MRC2: variants seen among roughly 807,000 people sequenced by gnomAD.
MRC2 encodes C-type mannose receptor 2.
MRC2 carries 84 observed loss-of-function variants against 206.2 expected under a neutral mutation model. The observed-to-expected ratio is 0.41, with a 90% CI of 0.34 to 0.49. MRC2 has a LOEUF of 0.49. Among genes scored for constraint, MRC2 ranks in the 20% least tolerant of loss-of-function variants. MRC2 has a pLI of 0.31. For synonymous variants in MRC2, 798 were observed against 800.0 expected (o/e 1.00, Z 0.04); for missense variants, 1,676 against 2,001.5 (o/e 0.84, Z 3.10).
chr17:62,671,605 T>C lies in MRC2; in HGVS notation c.1118-44T>C, dbSNP rs773880869. 1 of 1,507,630 alleles carries C rather than the reference T, an allele frequency of 6.6e-7. No individual in the cohort carries two copies. Among genetic ancestry groups the C allele is most frequent in the Non-Finnish European group, 8.9e-7 (1 of 1,126,118 alleles). The allele number at this position is 1,507,630 out of a possible 1,614,324, so 93.4% of individuals were successfully genotyped here. A position where few individuals can be genotyped will look rare whatever the true frequency, so the allele number is the denominator to read the frequency against. ...CAACCCAGTGGGTTGGTTCCCAGAC[T>C]GGGCGGCTCAGTCCCTGAGCAGCAG... On this transcript the variant is annotated intron_variant, in intron 6 of 29. Coordinates refer to ENST00000303375, the MANE Select transcript of MRC2 (RefSeq NM_006039.5). The surrounding 1 kb of genome is among the most constrained non-coding windows in gnomAD (Gnocchi z 4.5).
chr17:62,692,338 G>A lies in MRC2; in HGVS notation c.4327G>A (p.Glu1443Lys), dbSNP rs144616935. ...CCTTTACCGGAGGCGCCAGAGCATC[G>A]AGCGCGGGGCCTTTGAGGGTGCCCG... ...LILYRRRQSI[E>K]RGAFEGARYS... Residue 1443 changes from glutamate (E) to lysine (K), a missense_variant, in exon 30 of 30, where the codon GAG becomes AAG. This residue lies in a region of MRC2 where 1,354 missense variants were observed against 1,636.6 expected (regional missense o/e 0.83). Coordinates refer to ENST00000303375, the MANE Select transcript of MRC2 (RefSeq NM_006039.5). This position sits in a 1 kb window ranked among gnomAD's most constrained non-coding sequence, Gnocchi z 4.2. The A allele has an allele frequency of 7.0e-6, 11 of 1,576,708 alleles. No individual in the cohort carries two copies. The highest frequency in any genetic ancestry group is 9.5e-6 in the Non-Finnish European group (11 of 1,161,354).
chr17:62,655,009 C>T (rs937259612), intron 1 of MRC2, among the ~76,000 whole-genome samples: 2 of 152,122 alleles, frequency 1.3e-5, no homozygotes, highest in African/African-American at 2.4e-5. Flanking sequence ...GCTGGGGCTG[C>T]GTGCGGTGGC....
At chr17:62,640,944 C>T (rs1161532957) in intron 1 of MRC2, among the ~76,000 whole-genome samples, 2 of 151,686 alleles carry the variant, frequency 1.3e-5, no homozygotes, top group Non-Finnish European at 2.9e-5. Flanking sequence ...CCTCATGATC[C>T]ACCCGCCTCA....
intron 20 of MRC2, among the ~76,000 whole-genome samples, chr17:62,686,974 T>C (rs1478219632): frequency 6.6e-6 from 1 of 152,206 alleles, no homozygotes; most frequent in Non-Finnish European, 1.5e-5. Context: ...CTCTCACTGG[T>C]TAAGTGCCTA....
At chr17:62,681,451 G>T in intron 18 of MRC2, 1 of 502,354 alleles carries the variant, frequency 2.0e-6, no homozygotes, top group Non-Finnish European at 3.5e-6. Flanking sequence ...GGGGAAGTGG[G>T]CAGAACATAT....
At chr17:62,676,637 T>C (rs2088896407) in intron 11 of MRC2, 106 bp downstream of exon 11, 2 of 1,384,912 alleles carry the variant, frequency 1.4e-6, no homozygotes, top group Non-Finnish European at 9.7e-7. Context: ...AGATCATTGG[T>C]GCACTGTGGT....
At position 62,689,879 on chromosome 17, in the gene MRC2, GC is replaced by G. The variant is rs1421220277; in HGVS notation, c.3574-9del. 5.1e-6 allele frequency: 8 copies of G among 1,578,150 alleles called. No homozygotes were observed. Among genetic ancestry groups the G allele is most frequent in the African/African-American group, 2.7e-5 (2 of 74,440 alleles). On this transcript the variant is annotated splice_polypyrimidine_tract_variant and intron_variant, in intron 24 of 29. Transcript: ENST00000303375. The stretch of plus-strand genomic sequence containing the variant: ...ACTATTCCCTTCCTCCCACCCCATG[GC>G]CCCCCATGCCCAGGGCTCTCGGCGG...
rs769432072 is a variant in MRC2, at chr17:62,689,900, C to T, written c.3580C>T (p.Arg1194Trp). ...WIGLAGEEGSRRYSWVSEEPL... is the reference protein window; with the variant it reads ...WIGLAGEEGSWRYSWVSEEPL... ...CATGGCCCCCCATGCCCAGGGCTCT[C>T]GGCGGTACTCCTGGGTCTCAGAGGA... The change falls in exon 25 of 30, where the codon CGG becomes TGG. Residue 1194 changes from arginine (R) to tryptophan (W), a missense_variant. Arg to Trp is a moderately radical substitution (Grantham distance 101). This residue lies in a region of MRC2 where 1,354 missense variants were observed against 1,636.6 expected (regional missense o/e 0.83). Transcript: ENST00000303375. 2.6e-5 allele frequency: 42 copies of T among 1,592,202 alleles called. No individual in the cohort carries two copies. Among genetic ancestry groups the T allele is most frequent in the Middle Eastern group, 3.3e-4 (2 of 6,040 alleles).
rs2088568588 is a variant in MRC2, at chr17:62,652,576, T to A, written c.119-11972T>A. 6.6e-6 allele frequency among the ~76,000 whole-genome samples: 1 copy of A among 152,104 alleles called. No individual in the cohort carries two copies. Among genetic ancestry groups the A allele is most frequent in the Non-Finnish European group, 1.5e-5 (1 of 68,018 alleles). On this transcript the variant is annotated intron_variant, in intron 1 of 29. Transcript: ENST00000303375. The surrounding 1 kb of genome is among the most constrained non-coding windows in gnomAD (Gnocchi z 4.6). ...TTCCCCCCACGGGGAAGGAAGTGGC[T>A]CTTGGGCTGTTTATTTTGGCTGCGG...
At chr17:62,632,029 A>T (rs1048298980) in intron 1 of MRC2, among the ~76,000 whole-genome samples, 1 of 151,658 alleles carries the variant, frequency 6.6e-6, no homozygotes, top group Non-Finnish European at 1.5e-5. Context: ...GTGAGATGGG[A>T]GGGGGCCGCT....
intron 1 of MRC2, among the ~76,000 whole-genome samples, chr17:62,651,184 A>C (rs2088551797): frequency 6.6e-6 from 1 of 151,986 alleles, no homozygotes; most frequent in Non-Finnish European, 1.5e-5. Flanking sequence ...CCTGGGTTCA[A>C]GCAATTCTTC....
rs548076432 is a variant in MRC2 at position 62,690,634 on chromosome 17, G to A, written c.3893-8G>A. On this transcript the variant is annotated splice_polypyrimidine_tract_variant and splice_region_variant and intron_variant, in intron 26 of 29. Coordinates refer to ENST00000303375, the MANE Select transcript of MRC2 (RefSeq NM_006039.5). ...ATCCGCCCTGACGTGGGCCTTCTTTGCATCCAGCGGGTGGGGCCGTCCTGT... is the reference window on the plus strand; with the variant it reads ...ATCCGCCCTGACGTGGGCCTTCTTTACATCCAGCGGGTGGGGCCGTCCTGT... The A allele has an allele frequency of 1.3e-6, 2 of 1,594,654 alleles. No individual in the cohort carries two copies. The highest frequency in any genetic ancestry group is 1.1e-5 in the South Asian group (1 of 87,354).
chr17:62,689,771 G>A lies in MRC2; in HGVS notation c.3573+11G>A, dbSNP rs750506978. On this transcript the variant is annotated intron_variant, in intron 24 of 29. Coordinates refer to ENST00000303375, the MANE Select transcript of MRC2 (RefSeq NM_006039.5). ...CTGGCTGGCGAGGAGGTGGGCTCCC[G>A]ACACTTTTGCCCTGGGCCCCAGCCT... 5.9e-6 allele frequency: 9 copies of A among 1,537,394 alleles called. No individual in the cohort carries two copies. Among genetic ancestry groups the A allele is most frequent in the Middle Eastern group, 3.4e-4 (2 of 5,888 alleles).
In MRC2 at chr17:62,681,053, C is replaced by T. The variant is rs199887052; in HGVS notation, c.2635-9C>T. On this transcript the variant is annotated splice_polypyrimidine_tract_variant and intron_variant, in intron 17 of 29. Transcript: ENST00000303375. ...TGCCTACCCACACCTGCCCGCCTGG[C>T]TTCTCCAGTTCTCCCGGGCCCAGGA... 6.0e-4 allele frequency: 970 copies of T among 1,613,352 alleles called. No individual in the cohort carries two copies. The highest frequency in any genetic ancestry group is 7.6e-4 in the Non-Finnish European group (894 of 1,179,960).
At chr17:62,657,583 A>C (rs2088632795) in intron 1 of MRC2, among the ~76,000 whole-genome samples, 1 of 146,736 alleles carries the variant, frequency 6.8e-6, no homozygotes, top group Non-Finnish European at 1.5e-5. Flanking sequence ...TGTGGGGGGC[A>C]CTTTTGCTCC....
chr17:62,648,979 G>A (rs2088523309), intron 1 of MRC2, among the ~76,000 whole-genome samples: 1 of 152,222 alleles, frequency 6.6e-6, no homozygotes, highest in Non-Finnish European at 1.5e-5. Context: ...CAGGTACAGA[G>A]GGACAGGAAG....
chr17:62,691,937 G>A (rs1269847227), intron 28 of MRC2, among the ~76,000 whole-genome samples, 175 bp from the exon 29 acceptor site: 1 of 152,248 alleles, frequency 6.6e-6, no homozygotes, highest in Non-Finnish European at 1.5e-5. Context: ...GGAACCTGAA[G>A]TCTTGTCTCT....
At chr17:62,634,709 G>A (rs2088290763) in intron 1 of MRC2, among the ~76,000 whole-genome samples, 1 of 152,102 alleles carries the variant, frequency 6.6e-6, no homozygotes, top group African/African-American at 2.4e-5. Context: ...TTGACCTCCG[G>A]TGTCATCCTG....
At chr17:62,650,961 A>G (rs919611681) in intron 1 of MRC2, among the ~76,000 whole-genome samples, 2 of 152,228 alleles carry the variant, frequency 1.3e-5, no homozygotes, top group African/African-American at 4.8e-5. Context: ...GCCATGGTCC[A>G]GGTTCCTTGA....
Sources: gnomAD v4.1 joint callset for allele counts (sites outside exome capture counted in the v4.1 genomes callset) on GRCh38, gnomAD v4.1.1 for gene constraint, gnomAD v4.1.1 regional missense constraint, Gnocchi (gnomAD v3.1) non-coding constraint, MANE v1.5 for transcripts, NCBI Gene and HGNC (gene_info 2026-07-23, HGNC 2026-07-21) for gene names.